AGMO: variants seen among roughly 807,000 people sequenced by gnomAD.
AGMO encodes alkylglycerol monooxygenase.
A neutral mutation model predicts 60.2 loss-of-function variants in AGMO; 75 were observed. That is an observed-to-expected ratio of 1.25 (90% CI 1.03 to 1.51). The LOEUF is 1.51. AGMO is among the 40% of genes most tolerant of loss of function. The pLI is 0.00. For missense variants in AGMO, 763 were observed against 525.5 expected (o/e 1.45, Z -4.42); for synonymous variants, 261 against 177.1 (o/e 1.47, Z -3.76).
At chr7:15,216,987 ACT>A (rs1781761241) in intron 12 of AGMO, among the ~76,000 whole-genome samples, 1 of 152,020 alleles carries the variant, frequency 6.6e-6, no homozygotes. Flanking sequence ...CAGACACAAA[ACT>A]CTCTTTTACT....
intron 12 of AGMO, among the ~76,000 whole-genome samples, chr7:15,243,745 G>A (rs937966747): frequency 1.3e-5 from 2 of 152,050 alleles, no homozygotes; most frequent in Admixed American, 1.3e-4. Context: ...TGCACAATCT[G>A]TGTATTTTTT....
chr7:15,226,491 A>G (rs79707301), intron 12 of AGMO, among the ~76,000 whole-genome samples: 5,588 of 152,122 alleles, frequency 0.037, 372 homozygotes, highest in African/African-American at 0.13. Flanking sequence ...TTTTCTATGG[A>G]CCCCACATTA....
At chr7:15,404,738 G>A (rs889026804) in intron 5 of AGMO, among the ~76,000 whole-genome samples, 11 of 151,804 alleles carry the variant, frequency 7.2e-5, no homozygotes, top group Non-Finnish European at 1.2e-4. Context: ...TCACTGTATT[G>A]TGACTGCCAT....
intron 2 of AGMO, among the ~76,000 whole-genome samples, chr7:15,554,790 G>T (rs1206618122): frequency 1.3e-5 from 2 of 151,986 alleles, no homozygotes; most frequent in Non-Finnish European, 2.9e-5. Flanking sequence ...AATGTTATTT[G>T]GGGATTGAGA....
At chr7:15,261,200 A>C (rs1465756988) in intron 12 of AGMO, among the ~76,000 whole-genome samples, 2 of 152,084 alleles carry the variant, frequency 1.3e-5, no homozygotes, top group Non-Finnish European at 2.9e-5. Flanking sequence ...AAAAATACAA[A>C]AGATAAATTA....
At chr7:15,495,856 C>T (rs1783213386) in intron 3 of AGMO, among the ~76,000 whole-genome samples, 1 of 146,044 alleles carries the variant, frequency 6.8e-6, no homozygotes, top group Admixed American at 6.9e-5. Flanking sequence ...TCTCTCTCCT[C>T]TCTCTCTCTC....
chr7:15,378,994 C>G (rs559161399), intron 10 of AGMO, among the ~76,000 whole-genome samples: 6 of 152,054 alleles, frequency 3.9e-5, no homozygotes, highest in African/African-American at 1.4e-4. Flanking sequence ...ACTGAATAAC[C>G]TGCTCCTGAA....
chr7:15,277,300 G>C, intron 12 of AGMO, among the ~76,000 whole-genome samples: 1 of 149,978 alleles, frequency 6.7e-6, no homozygotes, highest in East Asian at 2.0e-4. Flanking sequence ...GCAAGACTCT[G>C]TCTCAAAAAA....
chr7:15,548,213 G>T (rs1429868389), intron 2 of AGMO, among the ~76,000 whole-genome samples: 3 of 152,074 alleles, frequency 2.0e-5, no homozygotes, highest in African/African-American at 7.2e-5. Flanking sequence ...ACAAAGATGG[G>T]GAAAAAACAG....
chr7:15,440,553 A>T (rs764667712), intron 3 of AGMO, among the ~76,000 whole-genome samples: 22 of 152,216 alleles, frequency 1.4e-4, no homozygotes, highest in Non-Finnish European at 2.2e-4. Flanking sequence ...ATAAAAACAC[A>T]CATAGTTTCA....
chr7:15,494,003 C>A (rs1783153496), intron 3 of AGMO, among the ~76,000 whole-genome samples: 1 of 152,114 alleles, frequency 6.6e-6, no homozygotes, highest in African/African-American at 2.4e-5. Flanking sequence ...TACAAACAAT[C>A]CAGTTATACT....
At chr7:15,559,964 A>G (rs1040037047) in intron 2 of AGMO, among the ~76,000 whole-genome samples, 177 bp downstream of exon 2, 2 of 152,148 alleles carry the variant, frequency 1.3e-5, no homozygotes, top group African/African-American at 2.4e-5. Flanking sequence ...GATTTTTTAA[A>G]TAAGTGCAAA....
At chr7:15,416,324 G>C (rs942459790) in intron 5 of AGMO, among the ~76,000 whole-genome samples, 1 of 152,022 alleles carries the variant, frequency 6.6e-6, no homozygotes, top group African/African-American at 2.4e-5. Flanking sequence ...ATGAGCTTCT[G>C]TGCCAGGTCT....
rs76974363 is a variant in AGMO, at chr7:15,225,150, T to C, written c.1264-23791A>G. ...TATATTGTTTGATACAGATTTTTATTTACCATCAGACGAACATTTTTCCAT... is the reference window on the plus strand; with the variant it reads ...TATATTGTTTGATACAGATTTTTATCTACCATCAGACGAACATTTTTCCAT... On this transcript the variant is annotated intron_variant, in intron 12 of 12. Coordinates refer to ENST00000342526, the MANE Select transcript of AGMO (RefSeq NM_001004320.2). Among the ~76,000 whole-genome samples the C allele has an allele frequency of 2.6e-5, 4 of 151,950 alleles. No homozygotes were observed. In the East Asian group the frequency reaches 7.7e-4, roughly 29 times the overall value.
At chr7:15,179,641 T>A in the AGMO span, among the ~76,000 whole-genome samples, 1 of 152,108 alleles carries the variant, frequency 6.6e-6, no homozygotes, top group East Asian at 1.9e-4. Flanking sequence ...TAACTCTACA[T>A]TTCTGGGGTC....
At chr7:15,405,211 C>G (rs1784655585) in intron 5 of AGMO, among the ~76,000 whole-genome samples, 1 of 151,814 alleles carries the variant, frequency 6.6e-6, no homozygotes, top group Non-Finnish European at 1.5e-5. Flanking sequence ...GCTTTCTCTG[C>G]CTCCTGACAA....
At chr7:15,530,867 A>G (rs1028703185) in intron 3 of AGMO, among the ~76,000 whole-genome samples, 4 of 140,592 alleles carry the variant, frequency 2.8e-5, no homozygotes, top group Non-Finnish European at 4.6e-5. Context: ...AGATGACTGT[A>G]TATAGATGAC....
intron 12 of AGMO, among the ~76,000 whole-genome samples, chr7:15,319,642 T>C (rs1400102646): frequency 1.3e-5 from 2 of 152,074 alleles, no homozygotes; most frequent in Non-Finnish European, 2.9e-5. Flanking sequence ...CTTATTTCCA[T>C]GAATTAAACT....
At chr7:15,120,730 C>T in the AGMO span, among the ~76,000 whole-genome samples, 7 of 151,094 alleles carry the variant, frequency 4.6e-5, no homozygotes, top group East Asian at 2.0e-4. Context: ...TTTAGTAAAG[C>T]GACCTGAGCT....
Sources: gnomAD v4.1 joint callset for allele counts (sites outside exome capture counted in the v4.1 genomes callset) on GRCh38, gnomAD v4.1.1 for gene constraint, MANE v1.5 for transcripts, NCBI Gene and HGNC (gene_info 2026-07-23, HGNC 2026-07-21) for gene names.